The following THADA variants were observed in gnomAD, a reference collection of about 807,000 sequenced individuals.
THADA encodes the protein tRNA (32-2'-O)-methyltransferase regulator THADA.
In THADA, 213 loss-of-function variants were observed where a neutral mutation model predicts 219.8. That is an observed-to-expected ratio of 0.97 (90% CI 0.87 to 1.09). The LOEUF is 1.09. Ranked by LOEUF, THADA falls within the 50% of genes least tolerant of loss-of-function variation. The pLI, the probability that THADA is intolerant of heterozygous loss-of-function variation, is 0.00. For missense variants in THADA, 2,956 were observed against 2,311.3 expected, an observed-to-expected ratio of 1.28 and a Z score of -5.72; for synonymous variants, 1,018 against 828.9, an observed-to-expected ratio of 1.23 and a Z score of -3.92.
intron 21 of THADA, among the ~76,000 whole-genome samples, chr2:43,537,199 A>G (rs768945332): frequency 1.4e-4 from 22 of 152,350 alleles, no homozygotes; most frequent in South Asian, 1.0e-3. Flanking sequence ...TACCACTCAG[A>G]TATCATCTTA....
chr2:43,438,615 T>C (rs924045510), intron 26 of THADA, among the ~76,000 whole-genome samples: 5 of 152,092 alleles, frequency 3.3e-5, no homozygotes, highest in African/African-American at 4.8e-5. Flanking sequence ...AACTGTAGTA[T>C]AGTAGTCCCC....
At chr2:43,406,153 C>T (rs899319726) in intron 28 of THADA, among the ~76,000 whole-genome samples, 3 of 152,308 alleles carry the variant, frequency 2.0e-5, no homozygotes, top group Non-Finnish European at 2.9e-5. Flanking sequence ...AGCAACCTGA[C>T]GTGGCAGAAA....
chr2:43,289,024 A>G (rs956357328), intron 34 of THADA, among the ~76,000 whole-genome samples: 1 of 152,192 alleles, frequency 6.6e-6, no homozygotes, highest in Non-Finnish European at 1.5e-5. Context: ...AATTCTGGAC[A>G]TTTCCTTTAA....
Position 43,578,521 on chromosome 2 carries a change from G to A in THADA, c.808C>T (p.Pro270Ser). 1 of 1,607,880 alleles carries A rather than the reference G, an allele frequency of 6.2e-7. No individual in the cohort carries two copies. Among genetic ancestry groups the A allele is most frequent in the South Asian group, 1.1e-5 (1 of 90,860 alleles). ...KTMFHPSEKI[P>S]HLISSVLLRS... ...AAAGGAGATGCACTTACCAAATGAG[G>A]AATCTTTTCAGACGGGTGAAACATA... Residue 270 changes from proline to serine, a missense_variant, in exon 9 of 38, where the codon CCT becomes TCT. Transcript: ENST00000405975.
At chr2:43,555,818 A>G (rs1254299277) in intron 17 of THADA, among the ~76,000 whole-genome samples, 1 of 152,198 alleles carries the variant, frequency 6.6e-6, no homozygotes, top group Non-Finnish European at 1.5e-5. Context: ...TTTCTAGTAC[A>G]ATTCTAAAAT....
intron 26 of THADA, among the ~76,000 whole-genome samples, chr2:43,471,755 CTCT>C (rs1372817580): frequency 5.9e-5 from 9 of 152,276 alleles, no homozygotes; most frequent in Admixed American, 2.0e-4. Context: ...TGATTGTTCC[CTCT>C]TCTTCGTTTT....
intron 20 of THADA, among the ~76,000 whole-genome samples, chr2:43,546,490 A>G (rs1696056433): frequency 6.6e-6 from 1 of 151,990 alleles, no homozygotes; most frequent in Non-Finnish European, 1.5e-5. Context: ...TCCCATTATT[A>G]TTGTGTGGGA....
chr2:43,299,624 T>C (rs570904447), intron 31 of THADA, among the ~76,000 whole-genome samples: 90 of 152,222 alleles, frequency 5.9e-4, no homozygotes, highest in African/African-American at 2.1e-3. Flanking sequence ...ATAGGGCTGC[T>C]GCACTCCAGC....
Position 43,574,647 on chromosome 2 carries a change from A to G in THADA, c.1418T>C (p.Ile473Thr), listed in dbSNP as rs1699658837. 2 of 1,613,880 alleles carry G rather than the reference A, an allele frequency of 1.2e-6. No homozygotes were observed. The highest frequency in any genetic ancestry group is 1.7e-6 in the Non-Finnish European group (2 of 1,179,890). ...GATTTGAGATGGAATAGTTTTATCT[A>G]TAGCCAAAATATGTTCAACTCCTAT... ...ECIGVEHILA[I>T]DKTIPSQILE... Residue 473 changes from isoleucine to threonine, a missense_variant, in exon 11 of 38, where the codon ATA (isoleucine) becomes ACA (threonine). Ile to Thr is a moderately conservative substitution (Grantham distance 89). Coordinates refer to ENST00000405975, the MANE Select transcript of THADA (RefSeq NM_022065.5).
chr2:43,561,575 T>A (rs938931996), intron 15 of THADA, among the ~76,000 whole-genome samples: 1 of 152,194 alleles, frequency 6.6e-6, no homozygotes, highest in Non-Finnish European at 1.5e-5. Flanking sequence ...TTATGCTTAG[T>A]TAATTTGAGG....
chr2:43,445,695 CAG>C (rs1235895879), intron 26 of THADA, among the ~76,000 whole-genome samples: 4 of 152,140 alleles, frequency 2.6e-5, no homozygotes, highest in Non-Finnish European at 4.4e-5. Flanking sequence ...TTTTTTGAGA[CAG>C]AGTCTTGCTC....
intron 31 of THADA, among the ~76,000 whole-genome samples, chr2:43,298,605 T>C (rs938390683): frequency 7.2e-6 from 1 of 138,066 alleles, no homozygotes; most frequent in Non-Finnish European, 1.5e-5. Flanking sequence ...AAAAAAAAAA[T>C]TAAAAAAAAA....
chr2:43,314,391 T>C (rs1335639063), intron 31 of THADA, among the ~76,000 whole-genome samples: 1 of 151,974 alleles, frequency 6.6e-6, no homozygotes, highest in Non-Finnish European at 1.5e-5. Flanking sequence ...GAGCTTAAAA[T>C]GAAAGTCTGA....
chr2:43,518,354 G>A (rs1246825155), intron 22 of THADA, among the ~76,000 whole-genome samples: 1 of 152,188 alleles, frequency 6.6e-6, no homozygotes, highest in Non-Finnish European at 1.5e-5. Context: ...GCCAGCAGTT[G>A]ATGCAGCTGC....
rs1468373498 is a variant in THADA, at chr2:43,592,358, G to A, written c.35C>T (p.Ala12Val). 2 of 1,608,402 alleles carry A rather than the reference G, an allele frequency of 1.2e-6. No homozygotes were observed. The highest frequency in any genetic ancestry group is 2.2e-5 in the East Asian group (1 of 44,844). Residue 12 changes from alanine to valine, a missense_variant, in exon 2 of 38, where the codon GCT becomes GTT. Transcript: ENST00000405975. ...GVKKKKEMQVAALTICHQDLE... is the reference protein window; with the variant it reads ...GVKKKKEMQVVALTICHQDLE... ...GTCCTGATGGCAAATGGTCAGCGCA[G>A]CAACTTGCATTTCTTTCTTCTTCTT...
At chr2:43,309,889 T>C (rs992819261) in intron 31 of THADA, among the ~76,000 whole-genome samples, 1 of 152,186 alleles carries the variant, frequency 6.6e-6, no homozygotes, top group Non-Finnish European at 1.5e-5. Context: ...AAGATCAATA[T>C]ACAAATATCA....
At chr2:43,542,836 T>C (rs896686890) in intron 20 of THADA, among the ~76,000 whole-genome samples, 5 of 152,190 alleles carry the variant, frequency 3.3e-5, no homozygotes, top group African/African-American at 9.7e-5. Context: ...CAGCACCTAA[T>C]AGGCTGGTGA....
intron 29 of THADA, among the ~76,000 whole-genome samples, chr2:43,350,129 T>C (rs955476846): frequency 5.9e-5 from 9 of 152,156 alleles, no homozygotes; most frequent in Non-Finnish European, 1.0e-4. Flanking sequence ...CAGGCAAACA[T>C]TGTTTCAGCC....
intron 36 of THADA, among the ~76,000 whole-genome samples, chr2:43,251,366 T>A (rs772342119): frequency 6.6e-6 from 1 of 152,200 alleles, no homozygotes; most frequent in Non-Finnish European, 1.5e-5. Flanking sequence ...CCTGACATCA[T>A]GTGGAAAAAA....
Sources: gnomAD v4.1 joint callset for allele counts (sites outside exome capture counted in the v4.1 genomes callset) on GRCh38, gnomAD v4.1.1 for gene constraint, MANE v1.5 for transcripts, NCBI Gene and HGNC (gene_info 2026-07-23, HGNC 2026-07-21) for gene names.